The following RIMS2 variants were observed in gnomAD, a reference collection of about 807,000 sequenced individuals.
RIMS2 encodes regulating synaptic membrane exocytosis protein 2.
RIMS2 carries 59 observed loss-of-function variants against 174.4 expected under a neutral mutation model. The ratio of observed to expected loss-of-function variants is 0.34; its 90% CI spans 0.27 to 0.42. The LOEUF (loss-of-function observed/expected upper bound fraction) is 0.42, where lower values mean the gene tolerates loss of function less well. Ranked by LOEUF, RIMS2 falls within the 10% of genes least tolerant of loss-of-function variation. The probability of loss-of-function intolerance (pLI) is 1.00; values close to 1 mark genes in which losing one functional copy is unlikely to be tolerated. For missense variants in RIMS2, 1,620 were observed against 1,666.3 expected (o/e 0.97, Z 0.48); for synonymous variants, 606 against 572.5 (o/e 1.06, Z -0.84).
intron 19 of RIMS2, among the ~76,000 whole-genome samples, chr8:104,138,104 T>C (rs2098536621): frequency 6.6e-6 from 1 of 152,200 alleles, no homozygotes; most frequent in Non-Finnish European, 1.5e-5. Context: ...TCCATCCATG[T>C]TGTTGTAAAT....
intron 17 of RIMS2, among the ~76,000 whole-genome samples, chr8:104,008,706 G>A (rs188604016): frequency 5.3e-5 from 8 of 151,590 alleles, no homozygotes; most frequent in East Asian, 1.9e-4. Flanking sequence ...TTTTTTCTAC[G>A]TGAATGGTGT....
intron 15 of RIMS2, among the ~76,000 whole-genome samples, chr8:103,967,760 C>G (rs2092277985): frequency 6.6e-6 from 1 of 151,792 alleles, no homozygotes; most frequent in South Asian, 2.1e-4. Flanking sequence ...AGACTTGGCT[C>G]CTTTTTCTTT....
At chr8:103,706,692 T>C (rs1442212415) in intron 2 of RIMS2, among the ~76,000 whole-genome samples, 2 of 152,006 alleles carry the variant, frequency 1.3e-5, no homozygotes, top group Non-Finnish European at 2.9e-5. Context: ...GTTATTTGCT[T>C]CTTTTCTCTT....
At chr8:103,689,237 A>T (rs968086440) in intron 1 of RIMS2, among the ~76,000 whole-genome samples, 1 of 151,782 alleles carries the variant, frequency 6.6e-6, no homozygotes, top group Non-Finnish European at 1.5e-5. Context: ...ATTTTATTTT[A>T]TTTTTTTAAT....
intron 2 of RIMS2, among the ~76,000 whole-genome samples, chr8:103,753,695 G>A (rs1414419024): frequency 1.3e-5 from 2 of 152,118 alleles, no homozygotes; most frequent in African/African-American, 4.8e-5. Context: ...ATTTCTTCTT[G>A]ATTTTCTAAT....
chr8:104,002,271 T>A (rs778350556), intron 17 of RIMS2, among the ~76,000 whole-genome samples: 21 of 152,134 alleles, frequency 1.4e-4, no homozygotes, highest in Non-Finnish European at 2.5e-4. Context: ...ATCCCTTTAT[T>A]CTTGCTGTTA....
intron 1 of RIMS2, among the ~76,000 whole-genome samples, chr8:103,595,055 A>G (rs980420987): frequency 3.3e-5 from 5 of 151,810 alleles, no homozygotes; most frequent in African/African-American, 9.7e-5. Context: ...ATAAATATAA[A>G]ATGGATGGTA....
At chr8:103,585,072 G>T (rs1462511438) in intron 1 of RIMS2, among the ~76,000 whole-genome samples, 1 of 152,160 alleles carries the variant, frequency 6.6e-6, no homozygotes, top group African/African-American at 2.4e-5. Context: ...TAAAAGAGCA[G>T]GAGTCTGTTG....
chr8:103,640,997 C>G (rs943706840), intron 1 of RIMS2, among the ~76,000 whole-genome samples: 1 of 152,070 alleles, frequency 6.6e-6, no homozygotes, highest in Non-Finnish European at 1.5e-5. Flanking sequence ...GCAGATGTAT[C>G]AATTTTTGCC....
intron 2 of RIMS2, among the ~76,000 whole-genome samples, chr8:103,699,172 C>T (rs1400049949): frequency 6.6e-6 from 1 of 152,182 alleles, no homozygotes; most frequent in Admixed American, 6.5e-5. Context: ...TCCATGGAAT[C>T]TGCATTGATG....
At chr8:103,549,288 A>G (rs1281385438) in intron 1 of RIMS2, among the ~76,000 whole-genome samples, 1 of 152,220 alleles carries the variant, frequency 6.6e-6, no homozygotes, top group Non-Finnish European at 1.5e-5. Context: ...GAAATTCTAC[A>G]AGCCAGAAGA....
chr8:103,835,916 G>A (rs1350620775), intron 3 of RIMS2, among the ~76,000 whole-genome samples: 1 of 152,142 alleles, frequency 6.6e-6, no homozygotes, highest in Non-Finnish European at 1.5e-5. Flanking sequence ...TATTGGTAAT[G>A]ACAAAACATG....
intron 1 of RIMS2, among the ~76,000 whole-genome samples, chr8:103,578,512 C>A (rs1023746412): frequency 2.6e-5 from 4 of 151,940 alleles, no homozygotes; most frequent in African/African-American, 7.3e-5. Context: ...GCCTGGGTGA[C>A]AGAGTGAGCT....
At chr8:103,937,034 G>A (rs1348341259) in intron 13 of RIMS2, among the ~76,000 whole-genome samples, 1 of 151,908 alleles carries the variant, frequency 6.6e-6, no homozygotes, top group Non-Finnish European at 1.5e-5. Flanking sequence ...GGAGGCAGAG[G>A]TTGCAGTGAG....
At chr8:103,766,161 G>A in intron 2 of RIMS2, 66 bp from the exon 6 acceptor site, 1 of 1,158,882 alleles carries the variant, frequency 8.6e-7, no homozygotes, top group Non-Finnish European at 1.2e-6. Context: ...TTGAATTTTT[G>A]TCTCTTTTTA....
chr8:104,073,981 A>G (rs1208055109), intron 19 of RIMS2, among the ~76,000 whole-genome samples: 1 of 152,194 alleles, frequency 6.6e-6, no homozygotes, highest in East Asian at 1.9e-4. Context: ...AGATAGTTAA[A>G]GTATGTTTGG....
chr8:103,975,371 A>G, exon 16 of RIMS2: 2 of 1,612,698 alleles, frequency 1.2e-6, no homozygotes. Flanking sequence ...GATGGTCGAG[A>G]TCTTCAAAGC....
intron 2 of RIMS2, among the ~76,000 whole-genome samples, chr8:103,711,768 G>A (rs1283894815): frequency 2.0e-5 from 3 of 151,974 alleles, no homozygotes; most frequent in African/African-American, 4.8e-5. Context: ...GTGGTGGTGA[G>A]TGCCTGTGGT....
At chr8:103,558,130 G>T (rs2090854626) in intron 1 of RIMS2, among the ~76,000 whole-genome samples, 1 of 151,716 alleles carries the variant, frequency 6.6e-6, no homozygotes, top group Non-Finnish European at 1.5e-5. Flanking sequence ...TGTTTTACAG[G>T]TAGGCATTAA....
Sources: gnomAD v4.1 joint callset for allele counts (sites outside exome capture counted in the v4.1 genomes callset) on GRCh38, gnomAD v4.1.1 for gene constraint, MANE v1.5 for transcripts, NCBI Gene and HGNC (gene_info 2026-07-23, HGNC 2026-07-21) for gene names.